ITM2B: variants seen among roughly 807,000 people sequenced by gnomAD.
ITM2B encodes ABri/ADan amyloid peptide.
A neutral mutation model predicts 27.8 loss-of-function variants in ITM2B; 11 were observed. The ratio of observed to expected loss-of-function variants is 0.40; its 90% CI spans 0.25 to 0.66. ITM2B has a LOEUF of 0.66. ITM2B is among the 30% of genes least tolerant of loss of function. The pLI, the probability that ITM2B is intolerant of heterozygous loss-of-function variation, is 0.43. For synonymous variants in ITM2B, 114 were observed against 114.3 expected (o/e 1.00, Z 0.02); for missense variants, 296 against 328.9 (o/e 0.90, Z 0.77).
At chr13:48,233,856 TATAA>T (rs912403843) in intron 1 of ITM2B, among the ~76,000 whole-genome samples, 4 of 152,174 alleles carry the variant, frequency 2.6e-5, no homozygotes, top group Non-Finnish European at 4.4e-5. Context: ...TCCTTCCCAG[TATAA>T]ATAATGTACC....
Position 48,261,511 on chromosome 13 carries a change from GGA to G in ITM2B, c.*288_*289del, listed in dbSNP as rs1951822914. The G allele has an allele frequency of 4.1e-6, 1 of 242,614 alleles. No individual in the cohort carries two copies. Among genetic ancestry groups the G allele is most frequent in the Non-Finnish European group, 8.0e-6 (1 of 125,308 alleles). 15.0% of individuals were successfully genotyped at this position (242,614 alleles called of 1,614,324 possible). On this transcript the variant is annotated 3_prime_UTR_variant, in exon 6 of 6. Transcript: ENST00000647800. Reference sequence around the variant, plus strand: ...TACAATTTCTTTAAATCATTTATCTGGATTTTTATGTTTTATTAGCATTTTCA... The same window carrying G: ...TACAATTTCTTTAAATCATTTATCTGTTTTTATGTTTTATTAGCATTTTCA...
In ITM2B at chr13:48,263,218, G is replaced by C. The variant is rs1254819838; in HGVS notation, c.*1994G>C. The C allele has an allele frequency of 7.9e-5, 12 of 152,002 alleles. No individual in the cohort carries two copies. The highest frequency in any genetic ancestry group is 1.6e-4 in the Non-Finnish European group (11 of 67,996). The allele number at this position is 152,002 out of a possible 1,614,324, so 9.4% of individuals were successfully genotyped here. On this transcript the variant is annotated 3_prime_UTR_variant, in exon 6 of 6. Coordinates refer to ENST00000647800, the MANE Select transcript of ITM2B (RefSeq NM_021999.5). ...TCACAACATTTGCAATCATTGATTT[G>C]GCCAGATTGGTCTAACATGGTACCC...
At position 48,269,973 on chromosome 13, in the gene ITM2B, C is replaced by T. The variant is rs1951874956; in HGVS notation, c.*8749C>T. 1 of 152,242 alleles carries T rather than the reference C, an allele frequency of 6.6e-6. No homozygotes were observed. Among genetic ancestry groups the T allele is most frequent in the Non-Finnish European group, 1.5e-5 (1 of 68,060 alleles). 9.4% of individuals were successfully genotyped at this position (152,242 alleles called of 1,614,324 possible). A position where few individuals can be genotyped will look rare whatever the true frequency, so the allele number is the denominator to read the frequency against. ...GAGAGTAATTGGAGACAAGCTTTCC[C>T]TTGGCTTCCCTTCTTTTCTCACAGA... is the stretch of plus-strand genomic sequence containing the variant. On this transcript the variant is annotated 3_prime_UTR_variant, in exon 6 of 6. Transcript: ENST00000647800.
rs1010081088 is a variant in ITM2B at position 48,262,313 on chromosome 13, C to A, written c.*1089C>A. Reference sequence around the variant, plus strand: ...CCCATTTAATAAAATACCTATGATTCATTTCACCTCAAGTTCCTAAGACAA... The same window carrying A: ...CCCATTTAATAAAATACCTATGATTAATTTCACCTCAAGTTCCTAAGACAA... On this transcript the variant is annotated 3_prime_UTR_variant, in exon 6 of 6. Coordinates refer to ENST00000647800, the MANE Select transcript of ITM2B (RefSeq NM_021999.5). 6 of 152,100 alleles carry A rather than the reference C, an allele frequency of 3.9e-5. No homozygotes were observed. The highest frequency in any genetic ancestry group is 1.2e-4 in the African/African-American group (5 of 41,426). 9.4% of individuals were successfully genotyped at this position (152,100 alleles called of 1,614,324 possible). A position where few individuals can be genotyped will look rare whatever the true frequency, so the allele number is the denominator to read the frequency against.
chr13:48,248,252 T>C (rs558119659), intron 1 of ITM2B, among the ~76,000 whole-genome samples: 1 of 152,242 alleles, frequency 6.6e-6, no homozygotes, highest in African/African-American at 2.4e-5. Context: ...TCAGCAATTA[T>C]GTTTCTTAGG....
At chr13:48,233,611 G>T (rs941630344) in intron 1 of ITM2B, 134 bp downstream of exon 1, 12 of 509,260 alleles carry the variant, frequency 2.4e-5, no homozygotes, top group Non-Finnish European at 4.1e-5. Flanking sequence ...GAGAGAGCCC[G>T]GCGCTCCCGT....
In ITM2B at chr13:48,236,362, A is replaced by G. The variant is rs1464410352; in HGVS notation, c.117+2885A>G. ...GTTTTATATTTGCAGATAACAAAAT[A>G]CTTGATGTACTGTATCAGAAGTCCC... On this transcript the variant is annotated intron_variant, in intron 1 of 5. Coordinates refer to ENST00000647800, the MANE Select transcript of ITM2B (RefSeq NM_021999.5). 2.6e-5 allele frequency among the ~76,000 whole-genome samples: 4 copies of G among 152,234 alleles called. No individual in the cohort carries two copies. In the East Asian group the frequency reaches 7.7e-4, roughly 29 times the overall value.
At chr13:48,260,182 C>T (rs1951813526) in intron 5 of ITM2B, among the ~76,000 whole-genome samples, 1 of 152,088 alleles carries the variant, frequency 6.6e-6, no homozygotes, top group Non-Finnish European at 1.5e-5. Context: ...ATGAACTCAT[C>T]CTTTTTTATG....
Position 48,265,469 on chromosome 13 carries a change from T to C in ITM2B, c.*4245T>C, listed in dbSNP as rs1951847391. On this transcript the variant is annotated 3_prime_UTR_variant, in exon 6 of 6. Coordinates refer to ENST00000647800, the MANE Select transcript of ITM2B (RefSeq NM_021999.5). ...GCTGTTCTGCTCTAGTGGTTCTCTC[T>C]GCTTCCCCACACCCACCCGTAAGCC... 6.6e-6 allele frequency: 1 copy of C among 152,134 alleles called. No individual in the cohort carries two copies. The highest frequency in any genetic ancestry group is 2.1e-4 in the South Asian group (1 of 4,832). The allele number at this position is 152,134 out of a possible 1,614,324, so 9.4% of individuals were successfully genotyped here.
At position 48,270,066 on chromosome 13, in the gene ITM2B, A is replaced by T. The variant is rs1208248150; in HGVS notation, c.*8842A>T. ...GAGATGTCCACTAGGGCAGAGAAGC[A>T]CAGAACCGTGGGCACTGCTTCCCTT... On this transcript the variant is annotated 3_prime_UTR_variant, in exon 6 of 6. Transcript: ENST00000647800. The T allele has an allele frequency of 6.6e-6, 1 of 152,248 alleles. No individual in the cohort carries two copies. Among genetic ancestry groups the T allele is most frequent in the Non-Finnish European group, 1.5e-5 (1 of 68,050 alleles). 9.4% of individuals were successfully genotyped at this position (152,248 alleles called of 1,614,324 possible). A position where few individuals can be genotyped will look rare whatever the true frequency, so the allele number is the denominator to read the frequency against.
intron 1 of ITM2B, among the ~76,000 whole-genome samples, chr13:48,233,958 C>A (rs1951652459): frequency 6.6e-6 from 1 of 152,184 alleles, no homozygotes; most frequent in South Asian, 2.1e-4. Flanking sequence ...CTAAGTCCAG[C>A]AACTGTAAGC....
intron 3 of ITM2B, among the ~76,000 whole-genome samples, chr13:48,257,812 G>C (rs1593396216): frequency 1.3e-5 from 2 of 152,106 alleles, no homozygotes; most frequent in African/African-American, 2.4e-5. Context: ...ACCTTAGAGG[G>C]CATTTGAGCT....
At chr13:48,233,585 G>A in intron 1 of ITM2B, 108 bp downstream of exon 1, 1 of 604,812 alleles carries the variant, frequency 1.7e-6, no homozygotes. Flanking sequence ...GGCTCGCGCC[G>A]CGGGGACAAG....
intron 1 of ITM2B, among the ~76,000 whole-genome samples, chr13:48,253,268 A>G (rs1053484649): frequency 6.6e-6 from 1 of 152,152 alleles, no homozygotes; most frequent in African/African-American, 2.4e-5. Context: ...TAATTTTAGT[A>G]TCATTGTTTG....
At position 48,255,155 on chromosome 13, in the gene ITM2B, C is replaced by T. The variant is rs182522679; in HGVS notation, c.247-1022C>T. 3.3e-5 allele frequency among the ~76,000 whole-genome samples: 5 copies of T among 152,066 alleles called. No homozygotes were observed. The East Asian group carries it at 5.8e-4, about 18-fold the overall frequency. The stretch of plus-strand genomic sequence containing the variant: ...CCTCCCAAAGTGCTAGGATTACAGG[C>T]GTGACACACCATGCCTGGCCCTGTG... On this transcript the variant is annotated intron_variant, in intron 2 of 5. Coordinates refer to ENST00000647800, the MANE Select transcript of ITM2B (RefSeq NM_021999.5).
At chr13:48,235,010 T>TCA (rs1951659040) in intron 1 of ITM2B, among the ~76,000 whole-genome samples, 1 of 111,332 alleles carries the variant, frequency 9.0e-6, no homozygotes, top group Non-Finnish European at 1.6e-5. Flanking sequence ...CTTAATGCTA[T>TCA]CACATATATA....
intron 1 of ITM2B, among the ~76,000 whole-genome samples, chr13:48,249,121 C>G (rs964920787): frequency 7.2e-5 from 11 of 152,284 alleles, no homozygotes; most frequent in African/African-American, 2.4e-4. Flanking sequence ...CGAAAGATTT[C>G]CATCACCCAA....
In ITM2B at chr13:48,267,716, T is replaced by C. The variant is rs1951860829; in HGVS notation, c.*6492T>C. Reference sequence around the variant, plus strand: ...AAAATTTAGTGTTAGGAAAATTTTTTTCACATAGGATACATGTTAATATTA... The same window carrying C: ...AAAATTTAGTGTTAGGAAAATTTTTCTCACATAGGATACATGTTAATATTA... On this transcript the variant is annotated 3_prime_UTR_variant, in exon 6 of 6. Transcript: ENST00000647800. 6.6e-6 allele frequency: 1 copy of C among 152,228 alleles called. No individual in the cohort carries two copies. Among genetic ancestry groups the C allele is most frequent in the African/African-American group, 2.4e-5 (1 of 41,470 alleles). 9.4% of individuals were successfully genotyped at this position (152,228 alleles called of 1,614,324 possible).
chr13:48,233,781 A>G (rs1951650856), intron 1 of ITM2B, among the ~76,000 whole-genome samples: 1 of 152,046 alleles, frequency 6.6e-6, no homozygotes. Flanking sequence ...TGCAGCCAGG[A>G]CTTGGCTTGT....
Sources: gnomAD v4.1 joint callset for allele counts (sites outside exome capture counted in the v4.1 genomes callset) on GRCh38, gnomAD v4.1.1 for gene constraint, MANE v1.5 for transcripts, NCBI Gene and HGNC (gene_info 2026-07-23, HGNC 2026-07-21) for gene names.